The following CDH12 variants were observed in gnomAD, a reference collection of about 807,000 sequenced individuals.
CDH12 encodes cadherin 12.
In CDH12, 41 loss-of-function variants were observed where a neutral mutation model predicts 74.1. The ratio of observed to expected loss-of-function variants is 0.55; its 90% CI spans 0.43 to 0.72. The LOEUF (loss-of-function observed/expected upper bound fraction) is 0.72. Ranked by LOEUF, CDH12 falls within the 30% of genes least tolerant of loss-of-function variation. The pLI, the probability that CDH12 is intolerant of heterozygous loss-of-function variation, is 0.00. For synonymous variants in CDH12, 399 were observed against 355.0 expected (o/e 1.12, Z -1.39); for missense variants, 945 against 977.2 (o/e 0.97, Z 0.44).
intron 4 of CDH12, among the ~76,000 whole-genome samples, chr5:22,162,322 C>A (rs2150319924): frequency 6.6e-6 from 1 of 152,280 alleles, no homozygotes; most frequent in South Asian, 2.1e-4. Flanking sequence ...CCTGCCATGA[C>A]TCCAGGATAA....
chr5:22,454,252 AC>A (rs1745177905), intron 2 of CDH12, among the ~76,000 whole-genome samples: 1 of 152,206 alleles, frequency 6.6e-6, no homozygotes, highest in South Asian at 2.1e-4. Context: ...TCTACATTAA[AC>A]TAACAATTAG....
chr5:21,927,459 C>T (rs1014631552), intron 6 of CDH12, among the ~76,000 whole-genome samples: 1 of 151,184 alleles, frequency 6.6e-6, no homozygotes, highest in African/African-American at 2.4e-5. Context: ...ATGATGATGG[C>T]GTGTGACTGT....
intron 3 of CDH12, among the ~76,000 whole-genome samples, chr5:22,283,269 CACACACAT>C (rs1464554511): frequency 4.2e-5 from 6 of 143,120 alleles, no homozygotes; most frequent in Non-Finnish European, 7.5e-5. Context: ...CACACACACA[CACACACAT>C]ATACACACAT....
chr5:22,192,621 A>C (rs1750374944), intron 4 of CDH12, among the ~76,000 whole-genome samples: 1 of 152,018 alleles, frequency 6.6e-6, no homozygotes, highest in Non-Finnish European at 1.5e-5. Flanking sequence ...AGGCTTATGC[A>C]TGTGCCTACA....
intron 1 of CDH12, among the ~76,000 whole-genome samples, chr5:22,548,727 A>G (rs1278756273): frequency 6.6e-6 from 1 of 151,904 alleles, no homozygotes; most frequent in Non-Finnish European, 1.5e-5. Flanking sequence ...AAGGTAAATC[A>G]TTATCCTAGA....
Position 22,828,797 on chromosome 5 carries a change from A to G in CDH12, c.-523+24261T>C, listed in dbSNP as rs6879687. Among the ~76,000 whole-genome samples the G allele has an allele frequency of 3.6e-3, 544 of 152,288 alleles. 4 individuals carry two copies. In the Middle Eastern group the frequency reaches 0.048, roughly 13 times the overall value. ...GAGCAATATGACAGGAATGATGTAC[A>G]TGAAGACTTGTTCGAAGCATTGATT... is the stretch of plus-strand genomic sequence containing the variant. On this transcript the variant is annotated intron_variant, in intron 1 of 14. Transcript: ENST00000382254.
At chr5:22,156,880 T>A (rs1339792082) in intron 4 of CDH12, among the ~76,000 whole-genome samples, 1 of 152,158 alleles carries the variant, frequency 6.6e-6, no homozygotes, top group African/African-American at 2.4e-5. Context: ...GATGCGAGGA[T>A]GTTGGAATTT....
At chr5:22,130,015 G>A (rs1447292407) in intron 4 of CDH12, among the ~76,000 whole-genome samples, 4 of 151,826 alleles carry the variant, frequency 2.6e-5, no homozygotes, top group African/African-American at 4.8e-5. Context: ...AGTTCAAGGT[G>A]TTTTGCATGA....
intron 1 of CDH12, among the ~76,000 whole-genome samples, chr5:22,548,515 T>A (rs1029775523): frequency 6.6e-6 from 1 of 152,126 alleles, no homozygotes; most frequent in African/African-American, 2.4e-5. Flanking sequence ...TTAAAATGCC[T>A]ACCAAATAAC....
chr5:21,886,330 T>C (rs4266369), intron 6 of CDH12, among the ~76,000 whole-genome samples: 109,718 of 151,344 alleles, frequency 0.72, 44,649 homozygotes, highest in Non-Finnish European at 0.9. Context: ...GTGAAACTGG[T>C]AATCTGTAGC....
intron 1 of CDH12, among the ~76,000 whole-genome samples, chr5:22,539,400 T>C (rs1007685726): frequency 3.9e-5 from 6 of 152,206 alleles, no homozygotes; most frequent in Non-Finnish European, 5.9e-5. Context: ...GATAACTGTA[T>C]TGAATAAGTA....
chr5:22,008,739 G>A (rs1474963009), intron 5 of CDH12, among the ~76,000 whole-genome samples: 1 of 152,130 alleles, frequency 6.6e-6, no homozygotes, highest in Non-Finnish European at 1.5e-5. Flanking sequence ...CTCAGCATAG[G>A]ATTTGGGTTT....
At chr5:22,116,532 G>C (rs995397750) in intron 4 of CDH12, among the ~76,000 whole-genome samples, 1 of 151,998 alleles carries the variant, frequency 6.6e-6, no homozygotes, top group Admixed American at 6.6e-5. Flanking sequence ...ATGAACCTGG[G>C]AGATGGAGCT....
chr5:22,191,542 T>C (rs939527547), intron 4 of CDH12, among the ~76,000 whole-genome samples: 2 of 149,150 alleles, frequency 1.3e-5, no homozygotes, highest in African/African-American at 4.9e-5. Flanking sequence ...GTTGTCTATA[T>C]ACACCAATGG....
intron 1 of CDH12, among the ~76,000 whole-genome samples, chr5:22,563,701 C>T (rs1009819146): frequency 6.6e-6 from 1 of 152,054 alleles, no homozygotes; most frequent in Non-Finnish European, 1.5e-5. Flanking sequence ...TAAAGACATA[C>T]CCAAGACTGG....
chr5:21,947,848 G>A (rs570256559), intron 6 of CDH12, among the ~76,000 whole-genome samples: 12 of 152,330 alleles, frequency 7.9e-5, no homozygotes, highest in Non-Finnish European at 1.5e-4. Flanking sequence ...CTATGGCCCC[G>A]TTGCTCTGGG....
chr5:22,794,560 T>C (rs1748090993), intron 1 of CDH12, among the ~76,000 whole-genome samples: 2 of 152,168 alleles, frequency 1.3e-5, no homozygotes, highest in African/African-American at 4.8e-5. Flanking sequence ...GCCAGTCAGA[T>C]TATCTGTTAT....
intron 1 of CDH12, among the ~76,000 whole-genome samples, chr5:22,840,158 T>TCACCCAG (rs1377201716): frequency 1.3e-5 from 2 of 152,202 alleles, no homozygotes; most frequent in Non-Finnish European, 2.9e-5. Flanking sequence ...TCTCGCTTTA[T>TCACCCAG]CACCCAGGCT....
chr5:21,885,181 C>T (rs1009137927), intron 6 of CDH12, among the ~76,000 whole-genome samples: 4 of 151,576 alleles, frequency 2.6e-5, no homozygotes, highest in African/African-American at 9.7e-5. Context: ...GCCACCGCGC[C>T]CAGGCAAAAG....
Sources: allele counts gnomAD v4.1 joint callset (sites outside exome capture counted in the v4.1 genomes callset), GRCh38; gene constraint gnomAD v4.1.1; transcripts MANE v1.5; gene names NCBI Gene and HGNC (gene_info 2026-07-23, HGNC 2026-07-21).